The following CP variants were observed in gnomAD, a reference collection of about 807,000 sequenced individuals.
CP encodes the protein ceruloplasmin, also known as caeruloplasmin.
In CP, 64 loss-of-function variants were observed where a neutral mutation model predicts 122.4. That is an observed-to-expected ratio of 0.52 (90% CI 0.43 to 0.64). CP has a LOEUF of 0.64. Ranked by LOEUF, CP falls within the 30% of genes least tolerant of loss-of-function variation. The pLI, the probability that CP is intolerant of heterozygous loss-of-function variation, is 0.00. For synonymous variants in CP, 440 were observed against 436.4 expected, an observed-to-expected ratio of 1.01 and a Z score of -0.10; for missense variants, 1,167 against 1,284.4, an observed-to-expected ratio of 0.91 and a Z score of 1.40.
intron 8 of CP, among the ~76,000 whole-genome samples, chr3:149,199,222 T>G (rs1727128369): frequency 6.6e-6 from 1 of 152,140 alleles, no homozygotes; most frequent in Admixed American, 6.6e-5. Flanking sequence ...ACTCCGATTA[T>G]GAAATTAAAA....
At chr3:149,180,382 T>G (rs1159064555) in intron 14 of CP, among the ~76,000 whole-genome samples, 1 of 152,160 alleles carries the variant, frequency 6.6e-6, no homozygotes, top group Non-Finnish European at 1.5e-5. Flanking sequence ...TCTTACCCTT[T>G]TCCCATGTGC....
At chr3:149,162,604 T>A (rs769873099) in exon 6 of CP, 16 of 1,366,942 alleles carry the variant, frequency 1.2e-5, no homozygotes, top group Non-Finnish European at 1.6e-5. Flanking sequence ...GCGTGGCCCA[T>A]GTGATGCTGT....
In CP at chr3:149,209,117, C is replaced by CT. The variant is rs1727936642; in HGVS notation, c.781+93_781+94insA. The CT allele has an allele frequency of 1.6e-5, 24 of 1,482,812 alleles. No homozygotes were observed. The South Asian group carries it at 2.8e-4, about 17-fold the overall frequency. 91.9% of individuals were successfully genotyped at this position (1,482,812 alleles called of 1,614,324 possible). A position where few individuals can be genotyped will look rare whatever the true frequency, so the allele number is the denominator to read the frequency against. ...TTTGTTATAAGGACCACAGACTAGA[C>CT]ACACAGTACTTATTTATGTGAGGGA... On this transcript the variant is annotated intron_variant, in intron 4 of 18. Transcript: ENST00000264613.
At position 149,179,589 on chromosome 3, in the gene CP, T is replaced by C. The variant is rs1725647084; in HGVS notation, c.2628A>G (p.Pro876=). Residue 876 remains proline, a synonymous_variant, in exon 15 of 19, where the codon CCA becomes CCG. Transcript: ENST00000264613. The part of the protein sequence containing the change: ...GAGTEDSACI[P]WAYYSTVDQV... Reference sequence around the variant, plus strand: ...GATCCACAGTTGAATAATAAGCCCATGGAATACAAGCAGAATCCTCTGTTC... The same window carrying C: ...GATCCACAGTTGAATAATAAGCCCACGGAATACAAGCAGAATCCTCTGTTC... The C allele has an allele frequency of 1.2e-6, 2 of 1,613,858 alleles. No individual in the cohort carries two copies. The highest frequency in any genetic ancestry group is 2.7e-5 in the African/African-American group (2 of 75,020).
intron 4 of CP, among the ~76,000 whole-genome samples, chr3:149,208,457 G>T (rs546160681): frequency 1.3e-5 from 2 of 151,912 alleles, no homozygotes; most frequent in Non-Finnish European, 2.9e-5. Context: ...AGTAAAAGTT[G>T]GAAACAAAAT....
chr3:149,188,339 G>A (rs1418676334), intron 9 of CP, 137 bp from the exon 10 acceptor site: 7 of 707,580 alleles, frequency 9.9e-6, no homozygotes, highest in Non-Finnish European at 1.4e-5. Flanking sequence ...TGTAAACTAG[G>A]GTTCCTGAAA....
intron 9 of CP, among the ~76,000 whole-genome samples, chr3:149,194,461 A>C (rs529242761): frequency 1.3e-5 from 2 of 151,232 alleles, no homozygotes; most frequent in Non-Finnish European, 2.9e-5. Context: ...CTGGTCTGAA[A>C]CTCTTGACCT....
chr3:149,190,019 T>C (rs545218384), intron 9 of CP, among the ~76,000 whole-genome samples: 1 of 152,214 alleles, frequency 6.6e-6, no homozygotes, highest in Non-Finnish European at 1.5e-5. Context: ...CTTTTTATCT[T>C]AAGACTAAAT....
At chr3:149,200,394 G>T (rs1407025664) in intron 7 of CP, among the ~76,000 whole-genome samples, 2 of 152,116 alleles carry the variant, frequency 1.3e-5, no homozygotes, top group Admixed American at 1.3e-4. Context: ...TTTCCTATCT[G>T]TTCTTCTGAG....
At chr3:149,167,955 G>A (rs149669748), downstream of CP, 4 of 1,591,970 alleles carry the variant, frequency 2.5e-6, no homozygotes, top group African/African-American at 1.3e-5. Flanking sequence ...GTGGAGAGAA[G>A]TATCAACTCT....
intron 7 of CP, among the ~76,000 whole-genome samples, chr3:149,201,622 G>A (rs1326461437): frequency 1.3e-5 from 2 of 151,856 alleles, no homozygotes; most frequent in African/African-American, 2.4e-5. Context: ...ATGTAGTCTC[G>A]CTCTGTCTCC....
chr3:149,207,454 G>A lies in CP; in HGVS notation c.945C>T (p.Asn315=). The change falls in exon 5 of 19, where the codon AAC becomes AAT. Residue 315 remains asparagine, a synonymous_variant. Transcript: ENST00000264613. ...CATCAAACAGGGTAGCAGGAAAGAG[G>A]TTGATTGTGTCAATACGGTAGTTCT... The part of the protein sequence containing the change: ...TNKNYRIDTI[N]LFPATLFDAY... 6.2e-7 allele frequency: 1 copy of A among 1,613,974 alleles called. No individual in the cohort carries two copies. Among genetic ancestry groups the A allele is most frequent in the South Asian group, 1.1e-5 (1 of 91,082 alleles).
intron 1 of CP, chr3:149,217,990 T>C (rs1194961591): frequency 1.1e-5 from 3 of 280,798 alleles, no homozygotes; most frequent in African/African-American, 4.7e-5. Flanking sequence ...AAACCTCTAA[T>C]GGAATGAAAA....
At chr3:149,204,275 T>C (rs758464392) in intron 6 of CP, among the ~76,000 whole-genome samples, 1 of 152,138 alleles carries the variant, frequency 6.6e-6, no homozygotes. Context: ...GTTTGGAGAA[T>C]GTGTTGGAAA....
At chr3:149,164,342 A>C (rs539679413) in intron 5 of CP, among the ~76,000 whole-genome samples, 1 of 152,324 alleles carries the variant, frequency 6.6e-6, no homozygotes. Flanking sequence ...CAAGCCAGGC[A>C]CTGCTATTTC....
At chr3:149,168,166 A>C (rs374905043), downstream of CP, 34 of 589,780 alleles carry the variant, frequency 5.8e-5, no homozygotes, top group African/African-American at 5.8e-4. Context: ...TTTATCTCCT[A>C]GTCACAGAAC....
chr3:149,172,006 G>C, downstream of CP: 2 of 1,374,842 alleles, frequency 1.5e-6, no homozygotes, highest in East Asian at 2.4e-5. Flanking sequence ...CGCCTGGCCT[G>C]AACTGGCTTC....
At chr3:149,213,946 A>T (rs1728283752) in intron 1 of CP, among the ~76,000 whole-genome samples, 1 of 152,202 alleles carries the variant, frequency 6.6e-6, no homozygotes, top group African/African-American at 2.4e-5. Context: ...ACAGGAATCT[A>T]CTGATGAACT....
chr3:149,209,562 G>A (rs900913959), intron 3 of CP, among the ~76,000 whole-genome samples, 178 bp from the exon 4 acceptor site: 1 of 152,176 alleles, frequency 6.6e-6, no homozygotes, highest in African/African-American at 2.4e-5. Flanking sequence ...TTTATGATCA[G>A]TATCTGGTGC....
Sources: gnomAD v4.1 joint callset for allele counts (sites outside exome capture counted in the v4.1 genomes callset) on GRCh38, gnomAD v4.1.1 for gene constraint, MANE v1.5 for transcripts, NCBI Gene and HGNC (gene_info 2026-07-23, HGNC 2026-07-21) for gene names.